Variants in MBD4 observed in about 807,000 individuals in gnomAD.
The protein encoded by MBD4 is methyl-CpG binding domain 4, DNA glycosylase, also known as methyl-CpG-binding domain protein 4.
A neutral mutation model predicts 60.2 loss-of-function variants in MBD4; 53 were observed. That is an observed-to-expected ratio of 0.88 (90% CI 0.71 to 1.11). The LOEUF (loss-of-function observed/expected upper bound fraction) is 1.11, where lower values mean the gene tolerates loss of function less well. MBD4 is among the 50% of genes least tolerant of loss of function. The probability of loss-of-function intolerance (pLI) is 0.00; values close to 1 mark genes in which losing one functional copy is unlikely to be tolerated. For synonymous variants in MBD4, 231 were observed against 229.8 expected, an observed-to-expected ratio of 1.01 and a Z score of -0.05; for missense variants, 619 against 674.0, an observed-to-expected ratio of 0.92 and a Z score of 0.90.
In MBD4 at chr3:129,434,046, A is replaced by C. The variant is rs539243049; in HGVS notation, c.1258+16T>G. On this transcript the variant is annotated intron_variant, in intron 4 of 7. Transcript: ENST00000429544. The stretch of plus-strand genomic sequence containing the variant: ...AATGGAATTAGAATTTGCTGTTCTG[A>C]TTGGGAAAGGGATACCTTCTTTGTT... 1 of 1,614,126 alleles carries C rather than the reference A, an allele frequency of 6.2e-7. No homozygotes were observed. The highest frequency in any genetic ancestry group is 1.3e-5 in the African/African-American group (1 of 75,050).
Position 129,437,211 on chromosome 3 carries a change from C to G in MBD4, c.433G>C (p.Val145Leu). The G allele has an allele frequency of 6.2e-7, 1 of 1,613,452 alleles. No homozygotes were observed. The stretch of plus-strand genomic sequence containing the variant: ...GACTTGATACCCCTTTTAGAAAGTA[C>G]AGTAAAATCAAAATCTTCTGGCTTA... Reference protein sequence around the residue: ...SLKPEDFDFTVLSKRGIKSRY... With the variant: ...SLKPEDFDFTLLSKRGIKSRY... The change falls in exon 3 of 8, where the codon GTA becomes CTA. Residue 145 changes from valine to leucine, a missense_variant. Coordinates refer to ENST00000429544, the MANE Select transcript of MBD4 (RefSeq NM_001276270.2).
At position 129,434,134 on chromosome 3, in the gene MBD4, C is replaced by T; in HGVS notation, c.1186G>A (p.Asp396Asn). 1 of 1,613,508 alleles carries T rather than the reference C, an allele frequency of 6.2e-7. No individual in the cohort carries two copies. Among genetic ancestry groups the T allele is most frequent in the Middle Eastern group, 1.6e-4 (1 of 6,062 alleles). ...CSPTRKDFTE[D>N]TIPRTQIERR... ...TCTATCTGTGTTCGTGGGATGGTAT[C>T]TTCTGAAAAGGAAAAGTAAACACTT... Residue 396 changes from aspartate (D) to asparagine (N), a missense_variant and splice_region_variant, in exon 4 of 8, where the codon GAT becomes AAT. Transcript: ENST00000429544.
In MBD4 at chr3:129,433,796, T is replaced by C. The variant is rs3138352; in HGVS notation, c.1393+54A>G. The C allele has an allele frequency of 1.4e-3, 2,187 of 1,611,420 alleles. 31 individuals are homozygous for C. The East Asian group carries it at 0.029, about 21-fold the overall frequency. On this transcript the variant is annotated intron_variant, in intron 5 of 7. Coordinates refer to ENST00000429544, the MANE Select transcript of MBD4 (RefSeq NM_001276270.2). ...TTGAACCCAGGCCTCAATTCAGTGCTTTCTCCCTACCACACTGTCTCTACT... is the reference window on the plus strand; with the variant it reads ...TTGAACCCAGGCCTCAATTCAGTGCCTTCTCCCTACCACACTGTCTCTACT...
At position 129,439,667 on chromosome 3, in the gene MBD4, C is replaced by T. The variant is rs550707635; in HGVS notation, c.104+63G>A. 253 of 1,026,604 alleles carry T rather than the reference C, an allele frequency of 2.5e-4. 2 individuals are homozygous for T. The highest frequency in any genetic ancestry group is 2.4e-3 in the South Asian group (179 of 73,716). The allele number at this position is 1,026,604 out of a possible 1,614,324, so 63.6% of individuals were successfully genotyped here. On this transcript the variant is annotated intron_variant, in intron 1 of 7. Coordinates refer to ENST00000429544, the MANE Select transcript of MBD4 (RefSeq NM_001276270.2). ...AAGGTTAGAAAGGCCCACACACTGT[C>T]CACTCTCCCGATACCATTTTACAGG...
chr3:129,436,397 A>C (rs538634778), intron 3 of MBD4, 64 bp downstream of exon 3: 1 of 1,595,544 alleles, frequency 6.3e-7, no homozygotes, highest in Non-Finnish European at 8.6e-7. Context: ...AGCATTATAA[A>C]TTTCTCATCA....
At chr3:129,432,120 G>A (rs1221061542) in intron 7 of MBD4, 3 of 1,196,662 alleles carry the variant, frequency 2.5e-6, no homozygotes, top group African/African-American at 3.1e-5. Flanking sequence ...CGTAGTCTGA[G>A]ACCACTAAGA....
Position 129,433,335 on chromosome 3 carries a change from A to G in MBD4, c.1394-88T>C. 5 of 1,436,222 alleles carry G rather than the reference A, an allele frequency of 3.5e-6. No individual in the cohort carries two copies. In the South Asian group the frequency reaches 4.9e-5, roughly 14 times the overall value. 89.0% of individuals were successfully genotyped at this position (1,436,222 alleles called of 1,614,324 possible). A position where few individuals can be genotyped will look rare whatever the true frequency, so the allele number is the denominator to read the frequency against. ...AGTTTCTCATAGAAATCTCATCCAG[A>G]GGGTTTTTTTTTTTAAAGAAAACAA... On this transcript the variant is annotated intron_variant, in intron 5 of 7. Coordinates refer to ENST00000429544, the MANE Select transcript of MBD4 (RefSeq NM_001276270.2).
chr3:129,434,491 G>A (rs1313335030), intron 3 of MBD4, among the ~76,000 whole-genome samples: 1 of 152,110 alleles, frequency 6.6e-6, no homozygotes, highest in Admixed American at 6.5e-5. Flanking sequence ...TTATAGTATT[G>A]AAAAATTAAA....
rs1283944409 is a variant in MBD4, at chr3:129,431,471, C to T, written c.*30G>A. ...AGCTTTTTTGAAGTGCAAAGCTATGCATAACAGATGAGCTTGAAAGCTGCA... is the reference window on the plus strand; with the variant it reads ...AGCTTTTTTGAAGTGCAAAGCTATGTATAACAGATGAGCTTGAAAGCTGCA... On this transcript the variant is annotated 3_prime_UTR_variant, in exon 8 of 8. Transcript: ENST00000429544. The T allele has an allele frequency of 6.4e-7, 1 of 1,566,550 alleles. No homozygotes were observed. Among genetic ancestry groups the T allele is most frequent in the Non-Finnish European group, 8.8e-7 (1 of 1,137,804 alleles).
At chr3:129,434,826 A>G (rs1400594751) in intron 3 of MBD4, among the ~76,000 whole-genome samples, 1 of 152,230 alleles carries the variant, frequency 6.6e-6, no homozygotes, top group Non-Finnish European at 1.5e-5. Flanking sequence ...CAGAATCTGC[A>G]GAAAAACCTA....
chr3:129,433,353 G>GA, intron 5 of MBD4, 106 bp from the exon 6 acceptor site: 1 of 1,306,774 alleles, frequency 7.7e-7, no homozygotes, highest in Non-Finnish European at 1.1e-6. Context: ...TTTTTTTAAA[G>GA]AAAACAAAAA....
chr3:129,431,671 G>GGGCA, intron 7 of MBD4, 93 bp from the exon 8 acceptor site: 1 of 874,962 alleles, frequency 1.1e-6, no homozygotes, highest in South Asian at 1.3e-5. Context: ...GTTTGCTGGG[G>GGGCA]GACAGTACAT....
chr3:129,432,700 A>C (rs1423962912), intron 6 of MBD4, 94 bp from the exon 7 acceptor site: 1 of 1,185,730 alleles, frequency 8.4e-7, no homozygotes, highest in African/African-American at 1.5e-5. Flanking sequence ...GAACAGCAGA[A>C]AGGGACAGGA....
chr3:129,438,002 G>T, intron 1 of MBD4, 52 bp from the exon 2 acceptor site: 1 of 1,070,298 alleles, frequency 9.3e-7, no homozygotes, highest in Non-Finnish European at 1.4e-6. Flanking sequence ...ATCTTCCACT[G>T]CCTACTCAGT....
intron 3 of MBD4, among the ~76,000 whole-genome samples, chr3:129,434,382 A>G (rs763009119): frequency 5.3e-5 from 8 of 152,210 alleles, no homozygotes; most frequent in Non-Finnish European, 1.0e-4. Context: ...CACAGATACT[A>G]AGTGTCCCAG....
chr3:129,435,376 G>A (rs942233032), intron 3 of MBD4, among the ~76,000 whole-genome samples: 1 of 152,134 alleles, frequency 6.6e-6, no homozygotes, highest in Admixed American at 6.5e-5. Flanking sequence ...ACTATTTCAT[G>A]GACACCTCGT....
Position 129,437,827 on chromosome 3 carries a change from A to AG in MBD4, c.227dup (p.Thr77TyrfsTer8), listed in dbSNP as rs1251430454. The AG allele has an allele frequency of 3.1e-6, 5 of 1,613,914 alleles. No individual in the cohort carries two copies. Among genetic ancestry groups the AG allele is most frequent in the Non-Finnish European group, 4.2e-6 (5 of 1,179,864 alleles). ...ACTTACGGCATTCTGTTCCTGCAGT[A>AG]GCACCAAACTGAGCAGAAGCGATGG... On this transcript the variant is annotated frameshift_variant, in exon 2 of 8. Transcript: ENST00000429544. LOFTEE classifies it high-confidence loss of function.
At position 129,437,251 on chromosome 3, in the gene MBD4, A is replaced by G. The variant is rs753080632; in HGVS notation, c.393T>C (p.Asn131=). ...CTTCTGGCTTAAGAGAAGTCTCTCC[A>G]TTTTTGTGAAGATAATTAGCAAGTG... The part of the protein sequence containing the change: ...KSSLANYLHK[N]GETSLKPEDF... The change falls in exon 3 of 8, where the codon AAT becomes AAC. Residue 131 remains asparagine, a synonymous_variant. Transcript: ENST00000429544. 16 of 1,611,752 alleles carry G rather than the reference A, an allele frequency of 9.9e-6. 1 individual carries two copies. The South Asian group carries it at 1.7e-4, about 17-fold the overall frequency.
Position 129,431,371 on chromosome 3 carries a change from A to G in MBD4, c.*130T>C, listed in dbSNP as rs1289428833. The G allele has an allele frequency of 1.3e-6, 1 of 745,444 alleles. No homozygotes were observed. The highest frequency in any genetic ancestry group is 2.4e-6 in the Non-Finnish European group (1 of 417,710). The allele number at this position is 745,444 out of a possible 1,614,324, so 46.2% of individuals were successfully genotyped here. On this transcript the variant is annotated 3_prime_UTR_variant, in exon 8 of 8. Transcript: ENST00000429544. ...CCACCATTGGCACACACATTAAGAA[A>G]GCACACACACTAGGCTTCTAGTTGG...
Sources: allele counts gnomAD v4.1 joint callset (sites outside exome capture counted in the v4.1 genomes callset), GRCh38; gene constraint gnomAD v4.1.1; transcripts MANE v1.5; gene names NCBI Gene and HGNC (gene_info 2026-07-23, HGNC 2026-07-21).